Variants in SUGCT observed in about 807,000 individuals in gnomAD.
The protein encoded by SUGCT is succinyl-CoA:glutarate-CoA transferase.
A neutral mutation model predicts 55.0 loss-of-function variants in SUGCT; 41 were observed. The observed-to-expected ratio is 0.74, with a 90% CI of 0.58 to 0.97. The LOEUF is 0.97. Ranked by LOEUF, SUGCT falls within the 50% of genes least tolerant of loss-of-function variation. The pLI is 0.00. For synonymous variants in SUGCT, 187 were observed against 200.4 expected (o/e 0.93, Z 0.56); for missense variants, 568 against 547.8 (o/e 1.04, Z -0.37).
At chr7:40,326,200 T>C (rs1407785491) in intron 9 of SUGCT, among the ~76,000 whole-genome samples, 1 of 152,106 alleles carries the variant, frequency 6.6e-6, no homozygotes, top group Non-Finnish European at 1.5e-5. Context: ...AACTGGGCCC[T>C]TGATTTCAAG....
intron 12 of SUGCT, among the ~76,000 whole-genome samples, chr7:40,549,330 A>G (rs1795176931): frequency 6.6e-6 from 1 of 152,234 alleles, no homozygotes; most frequent in African/African-American, 2.4e-5. Context: ...AGAAAATATT[A>G]AAAATAAAAC....
At chr7:40,157,345 C>G (rs1304961861) in intron 1 of SUGCT, among the ~76,000 whole-genome samples, 1 of 152,166 alleles carries the variant, frequency 6.6e-6, no homozygotes, top group African/African-American at 2.4e-5. Context: ...CCTGTACAAA[C>G]CTACAGATTC....
chr7:40,999,327 T>TAA, the SUGCT span, among the ~76,000 whole-genome samples: 2 of 150,844 alleles, frequency 1.3e-5, no homozygotes, highest in Non-Finnish European at 3.0e-5. Context: ...GACTAAAACT[T>TAA]AAAAAAAAAT....
chr7:40,491,628 A>G (rs1427350653), intron 11 of SUGCT, among the ~76,000 whole-genome samples: 1 of 151,646 alleles, frequency 6.6e-6, no homozygotes, highest in Non-Finnish European at 1.5e-5. Flanking sequence ...GGCTTAGGTG[A>G]GTAAAAGAGA....
chr7:40,200,169 T>C (rs1175454496), intron 6 of SUGCT, among the ~76,000 whole-genome samples: 1 of 152,200 alleles, frequency 6.6e-6, no homozygotes, highest in Non-Finnish European at 1.5e-5. Flanking sequence ...TTTCTTCCCT[T>C]TCCTACCCCC....
At chr7:40,283,991 T>C (rs1222917647) in intron 8 of SUGCT, among the ~76,000 whole-genome samples, 1 of 152,186 alleles carries the variant, frequency 6.6e-6, no homozygotes, top group Non-Finnish European at 1.5e-5. Context: ...GAAAATCCTG[T>C]CATTTGCAAC....
the SUGCT span, among the ~76,000 whole-genome samples, chr7:40,894,953 T>C: frequency 6.6e-6 from 1 of 152,156 alleles, no homozygotes; most frequent in Non-Finnish European, 1.5e-5. Context: ...AGCAATCCCA[T>C]TATTGAGTAT....
intron 12 of SUGCT, among the ~76,000 whole-genome samples, chr7:40,619,245 T>TA (rs1422892934): frequency 1.3e-5 from 2 of 152,256 alleles, no homozygotes; most frequent in Admixed American, 1.3e-4. Context: ...TTTAATTAAA[T>TA]AATTGAAACA....
chr7:40,841,245 TTCA>T (rs1415371074), intron 13 of SUGCT, among the ~76,000 whole-genome samples: 2 of 152,136 alleles, frequency 1.3e-5, no homozygotes, highest in Admixed American at 6.5e-5. Context: ...CTTTTATTCA[TTCA>T]TCAATAACTT....
chr7:40,334,914 G>T (rs187829326), intron 9 of SUGCT, among the ~76,000 whole-genome samples: 45 of 152,180 alleles, frequency 3.0e-4, no homozygotes, highest in African/African-American at 9.4e-4. Flanking sequence ...TAATCCATCT[G>T]GAATTAATTT....
In SUGCT at chr7:40,802,090, G is replaced by A. The variant is rs115602454; in HGVS notation, c.1153+52593G>A. ...TGAATGGAAACAGTGACTTGAAATG[G>A]AGTACAATTAAGCTAAATAAGAGGA... On this transcript the variant is annotated intron_variant, in intron 13 of 13. Coordinates refer to ENST00000335693, the MANE Select transcript of SUGCT (RefSeq NM_001193313.2). 2.2e-3 allele frequency among the ~76,000 whole-genome samples: 333 copies of A among 152,054 alleles called. 1 individual carries two copies. The highest frequency in any genetic ancestry group is 7.9e-3 in the African/African-American group (327 of 41,476).
the SUGCT span, among the ~76,000 whole-genome samples, chr7:40,873,622 C>T: frequency 1.2e-4 from 18 of 152,314 alleles, no homozygotes; most frequent in South Asian, 3.3e-3. Context: ...TCTAGTAAAC[C>T]TTTAAAAAAT....
chr7:40,784,172 C>T (rs1434961441), intron 13 of SUGCT, among the ~76,000 whole-genome samples: 1 of 152,082 alleles, frequency 6.6e-6, no homozygotes, highest in Non-Finnish European at 1.5e-5. Flanking sequence ...AGCATGGCTT[C>T]CGGGCAAAGA....
intron 12 of SUGCT, among the ~76,000 whole-genome samples, chr7:40,626,707 TCAGA>T (rs1423943818): frequency 1.3e-5 from 2 of 152,126 alleles, no homozygotes; most frequent in Non-Finnish European, 2.9e-5. Flanking sequence ...GTTCTTGGGG[TCAGA>T]CAAACACGGG....
the SUGCT span, among the ~76,000 whole-genome samples, chr7:41,022,548 T>C: frequency 6.6e-6 from 1 of 152,182 alleles, no homozygotes; most frequent in Non-Finnish European, 1.5e-5. Context: ...TTGGATACAT[T>C]TCTTCAAAAG....
intron 12 of SUGCT, among the ~76,000 whole-genome samples, chr7:40,586,995 G>A (rs1255447887): frequency 6.6e-6 from 1 of 152,198 alleles, no homozygotes; most frequent in Non-Finnish European, 1.5e-5. Context: ...TAACAACATG[G>A]ATGAATCACA....
chr7:40,267,037 C>CAAACA lies in SUGCT; in HGVS notation c.577-7473_577-7472insCAAAA, dbSNP rs1554298727. On this transcript the variant is annotated intron_variant, in intron 7 of 13. Transcript: ENST00000335693. The stretch of plus-strand genomic sequence containing the variant: ...TCTAAAAAAAACAAAAACAAACAAA[C>CAAACA]AAAAAAAAAAAAGGAAGAAAAAAAG... Among the ~76,000 whole-genome samples the CAAACA allele has an allele frequency of 3.2e-3, 278 of 86,700 alleles. 2 individuals carry two copies. Among genetic ancestry groups the CAAACA allele is most frequent in the East Asian group, 0.03 (81 of 2,708 alleles). 56.9% of individuals were successfully genotyped at this position (86,700 alleles called of 152,430 possible).
chr7:40,486,804 T>C (rs1231787539), intron 11 of SUGCT, among the ~76,000 whole-genome samples: 1 of 150,752 alleles, frequency 6.6e-6, no homozygotes, highest in Admixed American at 6.6e-5. Flanking sequence ...TAGCTTACTA[T>C]AACCTCAAAC....
chr7:41,024,007 G>A, the SUGCT span, among the ~76,000 whole-genome samples: 1 of 152,116 alleles, frequency 6.6e-6, no homozygotes, highest in Admixed American at 6.5e-5. Flanking sequence ...TAATGAAAAT[G>A]GCATAATAGT....
Sources: gnomAD v4.1 joint callset for allele counts (sites outside exome capture counted in the v4.1 genomes callset) on GRCh38, gnomAD v4.1.1 for gene constraint, MANE v1.5 for transcripts, NCBI Gene and HGNC (gene_info 2026-07-23, HGNC 2026-07-21) for gene names.